The following ZC3H14 variants were observed in gnomAD, a reference collection of about 807,000 sequenced individuals.
ZC3H14 encodes zinc finger CCCH domain-containing protein 14.
Under a neutral mutation model 92.4 loss-of-function variants are expected in ZC3H14, and 31 were observed. The ratio of observed to expected loss-of-function variants is 0.34; its 90% confidence interval spans 0.25 to 0.45. ZC3H14 has a LOEUF of 0.45. ZC3H14 is among the 20% of genes least tolerant of loss of function. ZC3H14 has a pLI of 1.00. For synonymous variants in ZC3H14, 321 were observed against 300.9 expected (o/e 1.07, Z -0.69); for missense variants, 781 against 897.3 (o/e 0.87, Z 1.66).
rs1595172531 is a variant in ZC3H14 at position 88,615,925 on chromosome 14, C to T, written c.*4174C>T. The stretch of plus-strand genomic sequence containing the variant: ...ATTTTCATAACAGTTTAATATTTTT[C>T]AGTTGTGCTTTCAGGTTACATGTGT... On this transcript the variant is annotated 3_prime_UTR_variant, in exon 17 of 17. Transcript: ENST00000251038. 7.2e-6 allele frequency: 11 copies of T among 1,527,026 alleles called. No individual in the cohort carries two copies. The highest frequency in any genetic ancestry group is 5.5e-5 in the African/African-American group (4 of 72,550). The allele number at this position is 1,527,026 out of a possible 1,614,324, so 94.6% of individuals were successfully genotyped here.
In ZC3H14 at chr14:88,596,787, G is replaced by A; in HGVS notation, c.1333G>A (p.Glu445Lys). The A allele has an allele frequency of 1.9e-6, 3 of 1,614,006 alleles. No homozygotes were observed. The highest frequency in any genetic ancestry group is 2.5e-6 in the Non-Finnish European group (3 of 1,179,944). ...ACTGCAAATCGACCCAGTAATGGCA[G>A]AAACTCTGCAGATGAGTCAAGGTTG... is the stretch of plus-strand genomic sequence containing the variant. ...SRLQIDPVMA[E>K]TLQMSQDYYD... Residue 445 changes from glutamate (E) to lysine (K), a missense_variant, in exon 10 of 17, where the codon GAA becomes AAA. Coordinates refer to ENST00000251038, the MANE Select transcript of ZC3H14 (RefSeq NM_024824.5).
At chr14:88,594,305 CTCA>C (rs1001398633) in intron 9 of ZC3H14, 1 of 685,638 alleles carries the variant, frequency 1.5e-6, no homozygotes, top group Non-Finnish European at 1.8e-6. Flanking sequence ...CTTCAGTGCT[CTCA>C]TCATATGAAG....
At chr14:88,588,838 T>TA (rs2082757661) in intron 9 of ZC3H14, among the ~76,000 whole-genome samples, 1 of 152,232 alleles carries the variant, frequency 6.6e-6, no homozygotes, top group South Asian at 2.1e-4. Flanking sequence ...CTTGAATACT[T>TA]GCTTGACTTG....
intron 15 of ZC3H14, among the ~76,000 whole-genome samples, 171 bp from the exon 16 acceptor site, chr14:88,610,663 G>C (rs1454816824): frequency 7.2e-6 from 1 of 139,312 alleles, no homozygotes; most frequent in Admixed American, 7.1e-5. Context: ...AAAAAAACAG[G>C]CTTGGTAGCA....
chr14:88,564,948 A>G (rs1303708985), intron 2 of ZC3H14, among the ~76,000 whole-genome samples: 1 of 152,182 alleles, frequency 6.6e-6, no homozygotes, highest in Non-Finnish European at 1.5e-5. Flanking sequence ...GGTTACATAC[A>G]CTAGGATATT....
Position 88,607,315 on chromosome 14 carries a change from G to A in ZC3H14, c.1820G>A (p.Cys607Tyr). 6.2e-7 allele frequency: 1 copy of A among 1,613,868 alleles called. No individual in the cohort carries two copies. Among genetic ancestry groups the A allele is most frequent in the Non-Finnish European group, 8.5e-7 (1 of 1,179,904 alleles). The change falls in exon 13 of 17, where the codon TGT (cysteine) becomes TAT (tyrosine). Residue 607 changes from cysteine to tyrosine, a missense_variant. Transcript: ENST00000251038. ...GAGCGCTGCAAGTACTGGCCTGCTT[G>A]TAAAAATGGGGATGAGTGTGCCTAC... is the stretch of plus-strand genomic sequence containing the variant. ...LLERCKYWPA[C>Y]KNGDECAYHH...
chr14:88,580,216 G>T (rs1008328138), intron 9 of ZC3H14, among the ~76,000 whole-genome samples: 1 of 152,106 alleles, frequency 6.6e-6, no homozygotes, highest in African/African-American at 2.4e-5. Flanking sequence ...GAGGTGGGAG[G>T]ATTGCTGGAG....
intron 9 of ZC3H14, 75 bp downstream of exon 9, chr14:88,578,215 T>A: frequency 6.5e-7 from 1 of 1,539,708 alleles, no homozygotes; most frequent in Non-Finnish European, 9.0e-7. Context: ...AATGGATTTT[T>A]ATGAAATATT....
chr14:88,563,213 A>G (rs776875297), intron 1 of ZC3H14, 44 bp downstream of exon 1: 1 of 1,585,490 alleles, frequency 6.3e-7, no homozygotes, highest in Non-Finnish European at 8.6e-7. Flanking sequence ...GGTCTCGGCG[A>G]GCGGGCGGTT....
At chr14:88,593,264 C>T (rs888152856) in intron 9 of ZC3H14, among the ~76,000 whole-genome samples, 1 of 152,296 alleles carries the variant, frequency 6.6e-6, no homozygotes, top group East Asian at 1.9e-4. Flanking sequence ...CCACGCCCAG[C>T]CTAGATGTCT....
chr14:88,600,349 G>A (rs933845039), intron 10 of ZC3H14, among the ~76,000 whole-genome samples: 21 of 152,226 alleles, frequency 1.4e-4, no homozygotes, highest in Non-Finnish European at 2.4e-4. Flanking sequence ...ACAGCAGGTC[G>A]AGAACTCTGG....
chr14:88,612,100 G>A lies in ZC3H14; in HGVS notation c.*349G>A, dbSNP rs1253196318. 7 of 268,840 alleles carry A rather than the reference G, an allele frequency of 2.6e-5. No individual in the cohort carries two copies. Among genetic ancestry groups the A allele is most frequent in the African/African-American group, 4.4e-5 (2 of 45,310 alleles). The allele number at this position is 268,840 out of a possible 1,614,324, so 16.7% of individuals were successfully genotyped here. A position where few individuals can be genotyped will look rare whatever the true frequency, so the allele number is the denominator to read the frequency against. ...GGTACTGCAGCTTAGGGGGCTACAC[G>A]GTTGCTGTGTGAGTGGAGAGATGCA... On this transcript the variant is annotated 3_prime_UTR_variant, in exon 17 of 17. Transcript: ENST00000251038.
intron 9 of ZC3H14, chr14:88,594,667 A>G (rs2083562472): frequency 6.2e-7 from 1 of 1,611,670 alleles, no homozygotes; most frequent in Non-Finnish European, 8.5e-7. Context: ...TGAAGAAAAA[A>G]TTATCAGATT....
rs763524488 is a variant in ZC3H14 at position 88,574,845 on chromosome 14, T to G, written c.1014T>G (p.Pro338=). Residue 338 remains proline (P), a synonymous_variant, in exon 7 of 17, where the codon CCT becomes CCG. Transcript: ENST00000251038. ...GCAGTGTGTCTGTGCCTGCAAAGCC[T>G]GAAAGGAGGTACCTTGAACATGGCT... ...ISSSVSVPAK[P]ERRPSLPPSK... The G allele has an allele frequency of 6.2e-6, 10 of 1,614,164 alleles. No homozygotes were observed. The highest frequency in any genetic ancestry group is 8.5e-6 in the Non-Finnish European group (10 of 1,180,006).
chr14:88,570,508 G>A (rs2080248821), intron 3 of ZC3H14, among the ~76,000 whole-genome samples: 1 of 152,150 alleles, frequency 6.6e-6, no homozygotes, highest in African/African-American at 2.4e-5. Context: ...AGTTGTCCAA[G>A]ACACCATCTA....
chr14:88,578,409 T>G (rs2081437188), intron 9 of ZC3H14, among the ~76,000 whole-genome samples: 1 of 152,126 alleles, frequency 6.6e-6, no homozygotes, highest in Non-Finnish European at 1.5e-5. Context: ...CCTTAGTAGC[T>G]GGAGGTGTGT....
chr14:88,597,826 G>A (rs2084057372), intron 10 of ZC3H14, among the ~76,000 whole-genome samples: 1 of 152,194 alleles, frequency 6.6e-6, no homozygotes, highest in Admixed American at 6.5e-5. Flanking sequence ...TCTTGTGCAT[G>A]TTTTCTCTTC....
In ZC3H14 at chr14:88,620,914, T is replaced by A; in HGVS notation, c.*9163T>A. ...CGAGCAGCATGTCCCAAATTCACTT[T>A]GTTTAACATCTTCTGCATTTAAAAA... On this transcript the variant is annotated 3_prime_UTR_variant, in exon 17 of 17. Coordinates refer to ENST00000251038, the MANE Select transcript of ZC3H14 (RefSeq NM_024824.5). The surrounding 1 kb of genome is among the most constrained non-coding windows in gnomAD (Gnocchi z 4.3). 6.6e-7 allele frequency: 1 copy of A among 1,507,322 alleles called. No individual in the cohort carries two copies. Among genetic ancestry groups the A allele is most frequent in the African/African-American group, 1.4e-5 (1 of 69,584 alleles). 93.4% of individuals were successfully genotyped at this position (1,507,322 alleles called of 1,614,324 possible). A position where few individuals can be genotyped will look rare whatever the true frequency, so the allele number is the denominator to read the frequency against.
chr14:88,607,605 G>A (rs1214689968), intron 13 of ZC3H14, among the ~76,000 whole-genome samples: 2 of 105,872 alleles, frequency 1.9e-5, no homozygotes. Context: ...ATCTCACCCT[G>A]TAACTACCAT....
Sources: gnomAD v4.1 joint callset for allele counts (sites outside exome capture counted in the v4.1 genomes callset) on GRCh38, gnomAD v4.1.1 for gene constraint, Gnocchi (gnomAD v3.1) non-coding constraint, MANE v1.5 for transcripts, NCBI Gene and HGNC (gene_info 2026-07-23, HGNC 2026-07-21) for gene names.